The following RTL1 variants were observed in gnomAD, a reference collection of about 807,000 sequenced individuals.
RTL1 encodes retrotransposon-like protein 1.
For synonymous variants in RTL1, 727 were observed against 748.4 expected, an observed-to-expected ratio of 0.97 and a Z score of 0.47; for missense variants, 1,681 against 1,767.5, an observed-to-expected ratio of 0.95 and a Z score of 0.88.
At chr14:100,885,784 C>T (rs1190253790) in intron 3 of RTL1, among the ~76,000 whole-genome samples, 1 of 152,164 alleles carries the variant, frequency 6.6e-6, no homozygotes, top group Non-Finnish European at 1.5e-5. Context: ...CTCAATTTCA[C>T]CAGTGCAAGC....
In RTL1 at chr14:100,896,257, CAA is replaced by C. The variant is rs369980529; in HGVS notation, c.-148-2754_-148-2753del. On this transcript the variant is annotated intron_variant, in intron 2 of 3. Transcript: ENST00000649591. ...TAACCTGTCTCAGATTTCTTCCGCA[CAA>C]AGTCATGGTTGAAAATAGGTCTCTG... Among the ~76,000 whole-genome samples, 268 of 152,268 alleles carry C rather than the reference CAA, an allele frequency of 1.8e-3. 1 individual carries two copies. Among genetic ancestry groups the C allele is most frequent in the Middle Eastern group, 0.01 (3 of 294 alleles).
rs762460485 is a variant in RTL1 at position 100,884,635 on chromosome 14, C to A, written c.154G>T (p.Ala52Ser). Residue 52 changes from alanine to serine, a missense_variant, in exon 4 of 4, where the codon GCC becomes TCC. Transcript: ENST00000649591. ...CTGGGGGGCTCCTTCTTTTCCTGGG[C>A]TGGGCCGCTGGCTGGCCCTGCCTCT... ...RGEAGPASGP[A>S]QEKKEPPSGP... 6.2e-7 allele frequency: 1 copy of A among 1,613,462 alleles called. No individual in the cohort carries two copies. Among genetic ancestry groups the A allele is most frequent in the Non-Finnish European group, 8.5e-7 (1 of 1,179,902 alleles).
At chr14:100,891,279 C>G (rs1287445565) in intron 3 of RTL1, among the ~76,000 whole-genome samples, 2 of 152,192 alleles carry the variant, frequency 1.3e-5, no homozygotes, top group East Asian at 3.9e-4. Context: ...CAGGGCAGCC[C>G]AGTCTCGGAC....
At chr14:100,890,695 T>A (rs1024958656) in intron 3 of RTL1, among the ~76,000 whole-genome samples, 8 of 152,162 alleles carry the variant, frequency 5.3e-5, no homozygotes, top group Admixed American at 3.3e-4. Context: ...CAGGTGAAGA[T>A]CCCTGTCCAT....
chr14:100,881,206 T>C lies in RTL1; in HGVS notation c.3583A>G (p.Thr1195Ala). 6.5e-7 allele frequency: 1 copy of C among 1,543,926 alleles called. No individual in the cohort carries two copies. Among genetic ancestry groups the C allele is most frequent in the Non-Finnish European group, 8.7e-7 (1 of 1,143,274 alleles). ...CTGACACCGAAGAACTCACACAGCG[T>C]CAGCCAGAAGCCAGGGGTGAACTGC... ...GLQFTPGFWL[T>A]LCEFFGVRVT... Residue 1195 changes from threonine to alanine, a missense_variant, in exon 4 of 4, where the codon ACG becomes GCG. Coordinates refer to ENST00000649591, the MANE Select transcript of RTL1 (RefSeq NM_001134888.3). The surrounding 1 kb of genome is among the most constrained non-coding windows in gnomAD (Gnocchi z 6.6).
At chr14:100,886,609 G>A (rs2038700766) in intron 3 of RTL1, among the ~76,000 whole-genome samples, 1 of 152,100 alleles carries the variant, frequency 6.6e-6, no homozygotes, top group Non-Finnish European at 1.5e-5. Context: ...TCATCATGAT[G>A]TACATAGCAC....
rs768214358 is a variant in RTL1 at position 100,882,024 on chromosome 14, A to G, written c.2765T>C (p.Met922Thr). Residue 922 changes from methionine (M) to threonine (T), a missense_variant, in exon 4 of 4, where the codon ATG (methionine) becomes ACG (threonine). Physicochemically the swap from Met to Thr is moderately conservative, Grantham distance 81 (BLOSUM62 -1). Transcript: ENST00000649591. Reference protein sequence around the residue: ...PIEVEYSQAEMKILPIRAAFM... With the variant: ...PIEVEYSQAETKILPIRAAFM... ...GGCAGCCCGTATTGGAAGAATCTTC[A>G]TCTCCGCTTGAGAGTACTCAACCTC... is the stretch of plus-strand genomic sequence containing the variant. 3 of 1,613,688 alleles carry G rather than the reference A, an allele frequency of 1.9e-6. No homozygotes were observed. Among genetic ancestry groups the G allele is most frequent in the South Asian group, 2.2e-5 (2 of 91,040 alleles).
In RTL1 at chr14:100,898,239, GA is replaced by G. The variant is rs1333309536; in HGVS notation, c.-148-4735del. On this transcript the variant is annotated intron_variant, in intron 2 of 3. Coordinates refer to ENST00000649591, the MANE Select transcript of RTL1 (RefSeq NM_001134888.3). ...ATGGTGCTTAATGCAGATCAGTGAG[GA>G]AGCGTGTCACAAATCGAGGTTTTAA... Among the ~76,000 whole-genome samples the G allele has an allele frequency of 3.3e-5, 5 of 152,186 alleles. 1 individual carries two copies. Among genetic ancestry groups the G allele is most frequent in the African/African-American group, 1.2e-4 (5 of 41,450 alleles).
rs758712546 is a variant in RTL1, at chr14:100,883,870, C to T, written c.919G>A (p.Glu307Lys). 6.4e-7 allele frequency: 1 copy of T among 1,551,612 alleles called. No individual in the cohort carries two copies. Among genetic ancestry groups the T allele is most frequent in the East Asian group, 2.4e-5 (1 of 40,920 alleles). Residue 307 changes from glutamate (E) to lysine (K), a missense_variant, in exon 4 of 4, where the codon GAG becomes AAG. By Grantham distance (56) the Glu-to-Lys change is moderately conservative. Coordinates refer to ENST00000649591, the MANE Select transcript of RTL1 (RefSeq NM_001134888.3). The surrounding 1 kb of genome is among the most constrained non-coding windows in gnomAD (Gnocchi z 5.9). ...AAGATGGGTACCAGGCTCTGGAACT[C>T]ATCGATGTACTCAGTGGCAGAGCGG... ...GGRSATEYID[E>K]FQSLVPILGW... is the part of the protein sequence containing the mutation.
rs955104901 is a variant in RTL1, at chr14:100,882,289, C to G, written c.2500G>C (p.Val834Leu). Residue 834 changes from valine to leucine, a missense_variant, in exon 4 of 4, where the codon GTG becomes CTG. Coordinates refer to ENST00000649591, the MANE Select transcript of RTL1 (RefSeq NM_001134888.3). ...ERFSIIAEPL[V>L]RQLLSSYQFY... is the part of the protein sequence containing the mutation. ...TGGTAGGAGCTCAGCAGCTGCCGCACCAGGGGCTCTGCGATGATGCTGAAG... is the reference window on the plus strand; with the variant it reads ...TGGTAGGAGCTCAGCAGCTGCCGCAGCAGGGGCTCTGCGATGATGCTGAAG... The G allele has an allele frequency of 5.2e-6, 8 of 1,551,552 alleles. No individual in the cohort carries two copies. The highest frequency in any genetic ancestry group is 6.1e-6 in the Non-Finnish European group (7 of 1,147,012).
rs553330844 is a variant in RTL1, at chr14:100,893,110, G to C, written c.-87+334C>G. Among the ~76,000 whole-genome samples, 1 of 152,258 alleles carries C rather than the reference G, an allele frequency of 6.6e-6. No homozygotes were observed. Among genetic ancestry groups the C allele is most frequent in the African/African-American group, 2.4e-5 (1 of 41,560 alleles). On this transcript the variant is annotated intron_variant, in intron 3 of 3. Transcript: ENST00000649591. This position sits in a 1 kb window ranked among gnomAD's most constrained non-coding sequence, Gnocchi z 4.2. ...TGGTGTTGATACTGCCAGCCTCGTGGCCTGAGGGGCATCCAGACCACAAGA... is the reference window on the plus strand; with the variant it reads ...TGGTGTTGATACTGCCAGCCTCGTGCCCTGAGGGGCATCCAGACCACAAGA...
intron 2 of RTL1, among the ~76,000 whole-genome samples, chr14:100,901,133 C>T (rs2038936296): frequency 6.6e-6 from 1 of 152,182 alleles, no homozygotes; most frequent in Non-Finnish European, 1.5e-5. Flanking sequence ...AGGAGCAGGA[C>T]AATGAGGCTG....
Position 100,884,761 on chromosome 14 carries a change from C to T in RTL1, c.28G>A (p.Glu10Lys). The T allele has an allele frequency of 1.3e-6, 2 of 1,589,704 alleles. No individual in the cohort carries two copies. The highest frequency in any genetic ancestry group is 4.5e-5 in the East Asian group (2 of 44,544). The change falls in exon 4 of 4, where the codon GAG becomes AAG. Residue 10 changes from glutamate to lysine, a missense_variant. By Grantham distance (56) the Glu-to-Lys change is moderately conservative. Transcript: ENST00000649591. Reference sequence around the variant, plus strand: ...GGATTCTTATGCTCCATCATCGTCTCAAATGAGTCTTCAGAGGGTTCTATC... The same window carrying T: ...GGATTCTTATGCTCCATCATCGTCTTAAATGAGTCTTCAGAGGGTTCTATC... MIEPSEDSF[E>K]TMMEHKNPSS...
chr14:100,897,757 G>GA (rs1566760841), intron 2 of RTL1: 2 of 141,504 alleles, frequency 1.4e-5, no homozygotes, highest in Admixed American at 8.0e-5. Flanking sequence ...TTGGCGGGGG[G>GA]GGGGGTGGGG....
At chr14:100,890,496 G>T (rs1477086978) in intron 3 of RTL1, among the ~76,000 whole-genome samples, 1 of 151,498 alleles carries the variant, frequency 6.6e-6, no homozygotes, top group Non-Finnish European at 1.5e-5. Flanking sequence ...GACAGGGGAG[G>T]AGGGTGGGAG....
chr14:100,883,822 G>A lies in RTL1; in HGVS notation c.967C>T (p.Gln323Ter). 6.4e-7 allele frequency: 1 copy of A among 1,551,682 alleles called. No homozygotes were observed. The highest frequency in any genetic ancestry group is 8.7e-7 in the Non-Finnish European group (1 of 1,146,998). Reference protein sequence around the residue: ...PILGWPDEVLQAHLCQGLNEE... With the variant: ...PILGWPDEVL ...TTGAGCCCCTGGCACAAGTGGGCCT[G>A]CAGGACTTCATCTGGCCAGCCCAAG... is the stretch of plus-strand genomic sequence containing the variant. Residue 323 changes from glutamine to a stop codon, truncating the protein, a stop_gained, in exon 4 of 4, where the codon CAG becomes TAG. Transcript: ENST00000649591. LOFTEE classifies it low-confidence loss of function (END_TRUNC). This position sits in a 1 kb window ranked among gnomAD's most constrained non-coding sequence, Gnocchi z 5.9.
chr14:100,896,477 C>T (rs1251184060), intron 2 of RTL1, among the ~76,000 whole-genome samples: 2 of 152,044 alleles, frequency 1.3e-5, no homozygotes, highest in African/African-American at 2.4e-5. Flanking sequence ...TGCCTTTCTA[C>T]GTAGATGGGA....
rs969673707 is a variant in RTL1 at position 100,882,742 on chromosome 14, C to T, written c.2047G>A (p.Glu683Lys). The T allele has an allele frequency of 5.3e-5, 82 of 1,551,814 alleles. No individual in the cohort carries two copies. Among genetic ancestry groups the T allele is most frequent in the African/African-American group, 9.6e-5 (7 of 73,046 alleles). The change falls in exon 4 of 4, where the codon GAA becomes AAA. Residue 683 changes from glutamate (E) to lysine (K), a missense_variant. Glu to Lys is a moderately conservative substitution (Grantham distance 56, BLOSUM62 1). Transcript: ENST00000649591. ...CCAAACGCTGCTTTCCACACATCTT[C>T]GGTGCGGTGCCCGTTCACGCTTTCC... ...VEESVNGHRT[E>K]DVWKAAFGLE...
At chr14:100,890,435 A>T (rs2038757229) in intron 3 of RTL1, among the ~76,000 whole-genome samples, 2 of 107,384 alleles carry the variant, frequency 1.9e-5, no homozygotes, top group African/African-American at 7.2e-5. Context: ...TTAGGAGCAG[A>T]GTTGAGCCTG....
Sources: gnomAD v4.1 joint callset for allele counts (sites outside exome capture counted in the v4.1 genomes callset) on GRCh38, gnomAD v4.1.1 for gene constraint, Gnocchi (gnomAD v3.1) non-coding constraint, MANE v1.5 for transcripts, NCBI Gene and HGNC (gene_info 2026-07-23, HGNC 2026-07-21) for gene names.